The following BMPR1B variants were observed in gnomAD, a reference collection of about 807,000 sequenced individuals.
The protein encoded by BMPR1B is bone morphogenetic protein receptor type 1B, also known as bone morphogenetic protein receptor type-1B.
In BMPR1B, 12 loss-of-function variants were observed where a neutral mutation model predicts 59.1. The ratio of observed to expected loss-of-function variants is 0.20; its 90% CI spans 0.13 to 0.33. BMPR1B has a LOEUF of 0.33. BMPR1B is among the 10% of genes least tolerant of loss of function. BMPR1B has a pLI of 1.00. For synonymous variants in BMPR1B, 237 were observed against 207.3 expected (o/e 1.14, Z -1.23); for missense variants, 550 against 610.9 (o/e 0.90, Z 1.05).
chr4:95,101,717 A>G (rs1730834873), intron 3 of BMPR1B, among the ~76,000 whole-genome samples: 1 of 152,202 alleles, frequency 6.6e-6, no homozygotes, highest in Non-Finnish European at 1.5e-5. Context: ...ATGTGCATCT[A>G]ACTTTCTCCT....
chr4:95,130,209 T>C lies in BMPR1B; in HGVS notation c.778+155T>C, dbSNP rs1321868582. Among the ~76,000 whole-genome samples the C allele has an allele frequency of 2.0e-5, 3 of 152,174 alleles. No individual in the cohort carries two copies. The East Asian group carries it at 5.8e-4, about 29-fold the overall frequency. On this transcript the variant is annotated intron_variant, in intron 9 of 12. Coordinates refer to ENST00000515059, the MANE Select transcript of BMPR1B (RefSeq NM_001203.3). ...GCCCAAGAACATCATAAGTTTCTAA[T>C]GGGAGACCTCACAGGAGGAATGACT...
intron 1 of BMPR1B, among the ~76,000 whole-genome samples, chr4:94,823,578 A>C (rs1724280140): frequency 3.3e-5 from 5 of 152,174 alleles, no homozygotes; most frequent in African/African-American, 1.2e-4. Context: ...CCAGGATTGC[A>C]TACTAAGCCC....
intron 1 of BMPR1B, among the ~76,000 whole-genome samples, chr4:94,868,005 C>T (rs914526376): frequency 6.8e-6 from 1 of 146,546 alleles, no homozygotes; most frequent in Non-Finnish European, 1.5e-5. Flanking sequence ...GCCACCGTGC[C>T]TGTGCCCCGC....
At chr4:94,957,186 T>C (rs1730170899) in intron 2 of BMPR1B, among the ~76,000 whole-genome samples, 1 of 152,140 alleles carries the variant, frequency 6.6e-6, no homozygotes. Context: ...GTGTTAACAA[T>C]CCTGTGTTTG....
At chr4:94,839,706 CTT>C (rs1010399132) in intron 1 of BMPR1B, among the ~76,000 whole-genome samples, 2 of 139,282 alleles carry the variant, frequency 1.4e-5, no homozygotes, top group African/African-American at 2.7e-5. Flanking sequence ...GGTCTTGACT[CTT>C]TATCCAATTT....
chr4:94,916,384 G>A (rs573204541), intron 2 of BMPR1B, among the ~76,000 whole-genome samples: 75 of 152,270 alleles, frequency 4.9e-4, no homozygotes, highest in Admixed American at 1.6e-3. Flanking sequence ...CCAGGCTGCC[G>A]AGGTCTCAAA....
intron 1 of BMPR1B, among the ~76,000 whole-genome samples, chr4:94,811,951 T>C (rs1181538405): frequency 1.3e-5 from 2 of 152,220 alleles, no homozygotes; most frequent in Admixed American, 1.3e-4. Flanking sequence ...AGGGTCCCCA[T>C]AAAGTCGTTT....
At chr4:94,892,898 G>A (rs1727453815) in intron 2 of BMPR1B, among the ~76,000 whole-genome samples, 1 of 152,012 alleles carries the variant, frequency 6.6e-6, no homozygotes, top group Admixed American at 6.6e-5. Context: ...GTGGGATAAC[G>A]AACTTTGGAG....
chr4:94,868,517 T>C (rs1726348101), intron 1 of BMPR1B, among the ~76,000 whole-genome samples: 1 of 152,126 alleles, frequency 6.6e-6, no homozygotes, highest in Non-Finnish European at 1.5e-5. Context: ...AAAAGGGGGC[T>C]CCCCACTGTC....
chr4:94,819,863 A>G (rs1164102974), intron 1 of BMPR1B, among the ~76,000 whole-genome samples: 1 of 152,216 alleles, frequency 6.6e-6, no homozygotes, highest in Non-Finnish European at 1.5e-5. Flanking sequence ...TCACCTAATG[A>G]AATATTTTTT....
At chr4:95,130,703 T>C (rs1733268140) in intron 9 of BMPR1B, among the ~76,000 whole-genome samples, 1 of 150,210 alleles carries the variant, frequency 6.7e-6, no homozygotes, top group Non-Finnish European at 1.5e-5. Context: ...CTACAGGTTT[T>C]TTTCTTTTTC....
chr4:94,998,492 G>A (rs1722220720), intron 3 of BMPR1B, among the ~76,000 whole-genome samples: 2 of 151,558 alleles, frequency 1.3e-5, no homozygotes, highest in Admixed American at 1.3e-4. Context: ...TCCTGCCTTA[G>A]CCTCCCGAGT....
intron 2 of BMPR1B, among the ~76,000 whole-genome samples, chr4:94,910,309 T>G (rs1728224816): frequency 6.6e-6 from 1 of 152,060 alleles, no homozygotes. Context: ...TTTGCCTCAT[T>G]TTATATTATC....
At chr4:94,776,779 G>A (rs1194116953) in intron 1 of BMPR1B, among the ~76,000 whole-genome samples, 2 of 152,198 alleles carry the variant, frequency 1.3e-5, no homozygotes, top group Non-Finnish European at 2.9e-5. Context: ...ATTATTACAT[G>A]AATACGCGTT....
chr4:94,954,478 TG>T (rs1481047056), intron 2 of BMPR1B, among the ~76,000 whole-genome samples: 6 of 152,200 alleles, frequency 3.9e-5, no homozygotes, highest in Non-Finnish European at 8.8e-5. Flanking sequence ...GCAATGCACA[TG>T]CCAAAGACTC....
chr4:95,016,198 G>C (rs907503878), intron 3 of BMPR1B, among the ~76,000 whole-genome samples: 3 of 152,182 alleles, frequency 2.0e-5, no homozygotes, highest in African/African-American at 4.8e-5. Flanking sequence ...GTGACCTTGA[G>C]AGCGTCTAAA....
Position 95,131,320 on chromosome 4 carries a change from C to A in BMPR1B, c.884C>A (p.Thr295Asn). The change falls in exon 10 of 13, where the codon ACC becomes AAC. Residue 295 changes from threonine to asparagine, a missense_variant. Thr to Asn is a moderately conservative substitution (Grantham distance 65). Transcript: ENST00000515059. ...GSLYDYLKST[T>N]LDAKSMLKLA... ...CTTTATGATTATCTGAAGTCCACCA[C>A]CCTAGACGCTAAATCAATGCTGAAG... The A allele has an allele frequency of 6.2e-7, 1 of 1,613,988 alleles. No individual in the cohort carries two copies.
chr4:94,968,171 G>A (rs1392005917), intron 2 of BMPR1B, among the ~76,000 whole-genome samples: 1 of 152,088 alleles, frequency 6.6e-6, no homozygotes, highest in Non-Finnish European at 1.5e-5. Context: ...TCCTTGGTAT[G>A]TATGCTTTAT....
At chr4:94,904,283 T>TATA (rs1299417103) in intron 2 of BMPR1B, among the ~76,000 whole-genome samples, 1 of 151,950 alleles carries the variant, frequency 6.6e-6, no homozygotes, top group Non-Finnish European at 1.5e-5. Context: ...ACAGATGCAC[T>TATA]ATAATAATAA....
Sources: gnomAD v4.1 joint callset for allele counts (sites outside exome capture counted in the v4.1 genomes callset) on GRCh38, gnomAD v4.1.1 for gene constraint, MANE v1.5 for transcripts, NCBI Gene and HGNC (gene_info 2026-07-23, HGNC 2026-07-21) for gene names.